SVIL: variants seen among roughly 807,000 people sequenced by gnomAD.
SVIL encodes the protein supervillin.
In SVIL, 101 loss-of-function variants were observed where a neutral mutation model predicts 240.4. That is an observed-to-expected ratio of 0.42 (90% confidence interval 0.36 to 0.50). SVIL has a LOEUF of 0.50. SVIL is among the 20% of genes least tolerant of loss of function. SVIL has a pLI of 0.01. For missense variants in SVIL, 2,512 were observed against 2,818.7 expected (o/e 0.89, Z 2.46); for synonymous variants, 999 against 1,100.0 (o/e 0.91, Z 1.82).
chr10:29,462,926 TTAAA>T, intron 35 of SVIL, among the ~76,000 whole-genome samples: 1 of 127,618 alleles, frequency 7.8e-6, no homozygotes, highest in Admixed American at 8.2e-5. Flanking sequence ...ACCATAAAAA[TTAAA>T]TAAGATTAAT....
intron 29 of SVIL, among the ~76,000 whole-genome samples, chr10:29,474,567 C>T (rs956894618): frequency 4.0e-5 from 6 of 151,332 alleles, no homozygotes; most frequent in Admixed American, 6.6e-5. Flanking sequence ...TGCACTCCAG[C>T]CTGGGTGACA....
intron 1 of SVIL, among the ~76,000 whole-genome samples, chr10:29,716,119 GGTGTCAATAAA>G (rs1185920704): frequency 1.3e-5 from 2 of 152,058 alleles, no homozygotes; most frequent in Non-Finnish European, 2.9e-5. Flanking sequence ...TGATCTACTT[GGTGTCAATAAA>G]GTGTTTCCAT....
chr10:29,486,621 G>T, intron 24 of SVIL, 64 bp from the exon 25 acceptor site: 1 of 1,590,138 alleles, frequency 6.3e-7, no homozygotes, highest in Non-Finnish European at 8.6e-7. Context: ...AGTGGCACAT[G>T]TCAAAACCAG....
intron 1 of SVIL, among the ~76,000 whole-genome samples, chr10:29,598,426 G>T (rs1027158296): frequency 7.2e-5 from 11 of 152,180 alleles, no homozygotes; most frequent in African/African-American, 2.7e-4. Flanking sequence ...AGCCCCATAG[G>T]GCTAGTGAGA....
rs776013962 is a variant in SVIL at position 29,524,526 on chromosome 10, C to T, written c.2532G>A (p.Arg844=). ...STRNRIDTRQ[R]RMNARYQTQP... Reference sequence around the variant, plus strand: ...GAGTTTGATAGCGAGCGTTCATTCTCCTCTGTCTCGTGTCTATTCTGTTCC... The same window carrying T: ...GAGTTTGATAGCGAGCGTTCATTCTTCTCTGTCTCGTGTCTATTCTGTTCC... Residue 844 remains arginine, a synonymous_variant, in exon 14 of 38, where the codon AGG becomes AGA. Coordinates refer to ENST00000355867, the MANE Select transcript of SVIL (RefSeq NM_021738.3). 1.9e-6 allele frequency: 3 copies of T among 1,614,190 alleles called. No individual in the cohort carries two copies. The highest frequency in any genetic ancestry group is 2.2e-5 in the South Asian group (2 of 91,082).
chr10:29,480,818 A>G lies in SVIL; in HGVS notation c.5101-5T>C, dbSNP rs1418668782. 6.3e-7 allele frequency: 1 copy of G among 1,598,940 alleles called. No homozygotes were observed. The highest frequency in any genetic ancestry group is 8.5e-7 in the Non-Finnish European group (1 of 1,173,064). On this transcript the variant is annotated splice_region_variant and splice_polypyrimidine_tract_variant and intron_variant, in intron 28 of 37. Coordinates refer to ENST00000355867, the MANE Select transcript of SVIL (RefSeq NM_021738.3). ...GACATCAGTCCTGGGGTCTTCCTACAGGGGAACACAAAGACATCAGTTCAG... is the reference window on the plus strand; with the variant it reads ...GACATCAGTCCTGGGGTCTTCCTACGGGGGAACACAAAGACATCAGTTCAG...
intron 6 of SVIL, among the ~76,000 whole-genome samples, chr10:29,549,306 T>G (rs1212694029): frequency 1.4e-5 from 2 of 145,086 alleles, no homozygotes; most frequent in African/African-American, 5.1e-5. Flanking sequence ...GAAATGCAAA[T>G]CAAAACCACA....
intron 1 of SVIL, among the ~76,000 whole-genome samples, chr10:29,692,287 C>T (rs940355215): frequency 2.6e-5 from 4 of 152,138 alleles, no homozygotes; most frequent in East Asian, 3.9e-4. Context: ...ATGACAAAGC[C>T]GATGAACTCT....
At chr10:29,729,565 G>T (rs910526094) in intron 1 of SVIL, among the ~76,000 whole-genome samples, 1 of 151,044 alleles carries the variant, frequency 6.6e-6, no homozygotes, top group Non-Finnish European at 1.5e-5. Flanking sequence ...GCCGGGTGCG[G>T]TGGCTCACAC....
chr10:29,734,462 C>T (rs1227308937), intron 1 of SVIL, among the ~76,000 whole-genome samples: 2 of 152,222 alleles, frequency 1.3e-5, no homozygotes, highest in Admixed American at 6.5e-5. Context: ...ACTCTTGGAT[C>T]TGTTAACCTC....
intron 29 of SVIL, among the ~76,000 whole-genome samples, chr10:29,477,593 G>A (rs897742980): frequency 5.3e-5 from 8 of 152,196 alleles, no homozygotes; most frequent in Non-Finnish European, 7.3e-5. Context: ...GCCCTTGTGC[G>A]CACAAGTGAT....
intron 29 of SVIL, among the ~76,000 whole-genome samples, chr10:29,474,981 G>A (rs533503155): frequency 5.3e-4 from 81 of 152,272 alleles, no homozygotes; most frequent in Admixed American, 5.2e-3. Context: ...ACAGGCACTC[G>A]GTAAACATGA....
At chr10:29,579,252 G>A (rs549735635) in intron 1 of SVIL, among the ~76,000 whole-genome samples, 148 of 152,004 alleles carry the variant, frequency 9.7e-4, no homozygotes, top group Non-Finnish European at 1.6e-3. Context: ...CCTGGCTAAC[G>A]CGGTGAAACC....
At chr10:29,632,250 G>C (rs1306270129) in intron 1 of SVIL, among the ~76,000 whole-genome samples, 1 of 152,174 alleles carries the variant, frequency 6.6e-6, no homozygotes, top group Non-Finnish European at 1.5e-5. Context: ...AGAACTTTGG[G>C]AGGCCGAGCG....
chr10:29,535,205 G>A (rs986538860), intron 7 of SVIL, among the ~76,000 whole-genome samples: 4 of 152,114 alleles, frequency 2.6e-5, no homozygotes, highest in African/African-American at 9.7e-5. Flanking sequence ...TGGTAACTAT[G>A]AACAACTCAG....
chr10:29,585,584 G>A (rs1412013982), intron 1 of SVIL, among the ~76,000 whole-genome samples: 3 of 152,160 alleles, frequency 2.0e-5, no homozygotes, highest in East Asian at 1.9e-4. Context: ...CGAGGACACC[G>A]CTCCATGCTC....
intron 17 of SVIL, among the ~76,000 whole-genome samples, chr10:29,507,550 C>G (rs529748226): frequency 8.3e-6 from 1 of 119,928 alleles, no homozygotes; most frequent in East Asian, 2.0e-4. Flanking sequence ...CTCACAGATA[C>G]ACACTCATAG....
intron 2 of SVIL, among the ~76,000 whole-genome samples, chr10:29,568,727 A>G (rs1208513408): frequency 6.6e-6 from 1 of 152,140 alleles, no homozygotes; most frequent in African/African-American, 2.4e-5. Flanking sequence ...AAGTTCAGAA[A>G]GGTTAAGAGA....
At chr10:29,648,032 G>C (rs1467730440) in intron 3 of SVIL, among the ~76,000 whole-genome samples, 1 of 127,438 alleles carries the variant, frequency 7.8e-6, no homozygotes. Flanking sequence ...AGAATGATAA[G>C]ATGACGCTCC....
Sources: gnomAD v4.1 joint callset for allele counts (sites outside exome capture counted in the v4.1 genomes callset) on GRCh38, gnomAD v4.1.1 for gene constraint, MANE v1.5 for transcripts, NCBI Gene and HGNC (gene_info 2026-07-23, HGNC 2026-07-21) for gene names.